The following NKAIN3 variants were observed in gnomAD, a reference collection of about 807,000 sequenced individuals.
NKAIN3 encodes sodium/potassium-transporting ATPase subunit beta-1-interacting protein 3.
A neutral mutation model predicts 30.2 loss-of-function variants in NKAIN3; 25 were observed. The observed-to-expected ratio is 0.83, with a 90% CI of 0.60 to 1.16. The LOEUF (loss-of-function observed/expected upper bound fraction) is 1.16, where lower values mean the gene tolerates loss of function less well. Ranked by LOEUF, NKAIN3 falls within the 50% of genes most tolerant of loss-of-function variation. NKAIN3 has a pLI of 0.00. For missense variants in NKAIN3, 225 were observed against 254.1 expected (o/e 0.89, Z 0.78); for synonymous variants, 91 against 89.6 (o/e 1.02, Z -0.09).
chr8:62,897,175 A>T (rs1225141083), intron 4 of NKAIN3, among the ~76,000 whole-genome samples: 1 of 152,198 alleles, frequency 6.6e-6, no homozygotes, highest in Non-Finnish European at 1.5e-5. Flanking sequence ...AACTTCTCAT[A>T]TATAGTAAGA....
At chr8:62,524,419 G>A (rs1358769246) in intron 1 of NKAIN3, among the ~76,000 whole-genome samples, 1 of 152,080 alleles carries the variant, frequency 6.6e-6, no homozygotes, top group East Asian at 1.9e-4. Flanking sequence ...GATTCATTTA[G>A]GGAGTAACTC....
rs548755376 is a variant in NKAIN3 at position 62,343,166 on chromosome 8, CA to C, written c.54+94042del. Among the ~76,000 whole-genome samples the C allele has an allele frequency of 2.7e-4, 41 of 152,132 alleles. No individual in the cohort carries two copies. In the East Asian group the frequency reaches 6.2e-3, roughly 23 times the overall value. On this transcript the variant is annotated intron_variant, in intron 1 of 6. Transcript: ENST00000623646. ...ACTCCAGAGTCTGACTGACCATGTTCAAATCCTGGTTTTGTGACATAGCTCC... is the reference window on the plus strand; with the variant it reads ...ACTCCAGAGTCTGACTGACCATGTTCAATCCTGGTTTTGTGACATAGCTCC...
At chr8:62,345,335 GTA>G (rs1173992151) in intron 1 of NKAIN3, among the ~76,000 whole-genome samples, 1 of 12,618 alleles carries the variant, frequency 7.9e-5, no homozygotes, top group African/African-American at 1.3e-4. Context: ...ACACATATAT[GTA>G]TATATACACA....
At chr8:62,268,452 C>A (rs184865472) in intron 1 of NKAIN3, among the ~76,000 whole-genome samples, 14 of 152,200 alleles carry the variant, frequency 9.2e-5, no homozygotes, top group Admixed American at 9.2e-4. Context: ...AGCTGCATGA[C>A]CAGAGTCAGG....
At chr8:62,667,097 A>AG (rs1813127281) in intron 3 of NKAIN3, among the ~76,000 whole-genome samples, 2 of 140,734 alleles carry the variant, frequency 1.4e-5, no homozygotes, top group Admixed American at 7.5e-5. Flanking sequence ...CAATTGAACA[A>AG]TGAGAACACT....
chr8:62,324,145 A>G (rs762407705), intron 1 of NKAIN3, among the ~76,000 whole-genome samples: 10 of 152,242 alleles, frequency 6.6e-5, no homozygotes, highest in Admixed American at 2.0e-4. Context: ...AGACTCAACA[A>G]TTGTAATAAA....
chr8:62,750,991 A>G (rs1816262555), intron 4 of NKAIN3, among the ~76,000 whole-genome samples: 1 of 152,068 alleles, frequency 6.6e-6, no homozygotes, highest in Non-Finnish European at 1.5e-5. Context: ...GCTCCCTGTA[A>G]GATGATCACA....
At chr8:62,501,858 A>G (rs1807464324) in intron 1 of NKAIN3, among the ~76,000 whole-genome samples, 1 of 152,200 alleles carries the variant, frequency 6.6e-6, no homozygotes, top group Admixed American at 6.5e-5. Context: ...CATCCTGGGT[A>G]TTTACTAACA....
chr8:62,863,495 C>G, intron 4 of NKAIN3: 1 of 1,538,592 alleles, frequency 6.5e-7, no homozygotes. Context: ...AGACAACGTA[C>G]TGGGTGGGAG....
In NKAIN3 at chr8:62,973,400, G is replaced by C. The variant is rs1342123431; in HGVS notation, c.*7993G>C. Reference sequence around the variant, plus strand: ...TGGTATCTCATTGTCGTTTTGATTTGCATTTCTCTAATGACCAGTGATGAT... The same window carrying C: ...TGGTATCTCATTGTCGTTTTGATTTCCATTTCTCTAATGACCAGTGATGAT... On this transcript the variant is annotated 3_prime_UTR_variant, in exon 7 of 7. Transcript: ENST00000623646. 1.3e-5 allele frequency among the ~76,000 whole-genome samples: 2 copies of C among 151,882 alleles called. No individual in the cohort carries two copies. The highest frequency in any genetic ancestry group is 2.9e-5 in the Non-Finnish European group (2 of 67,982).
At chr8:62,419,503 A>G (rs1804565062) in intron 1 of NKAIN3, among the ~76,000 whole-genome samples, 1 of 152,194 alleles carries the variant, frequency 6.6e-6, no homozygotes, top group Non-Finnish European at 1.5e-5. Flanking sequence ...CTGCCAGTAA[A>G]TGGCCAGATG....
intron 5 of NKAIN3, among the ~76,000 whole-genome samples, chr8:62,996,165 A>G (rs906180844): frequency 6.6e-6 from 1 of 152,228 alleles, no homozygotes; most frequent in African/African-American, 2.4e-5. Flanking sequence ...TTTATAAAGG[A>G]AAGTGGTTGA....
At chr8:62,270,668 C>T (rs374001687) in intron 1 of NKAIN3, among the ~76,000 whole-genome samples, 1 of 152,096 alleles carries the variant, frequency 6.6e-6, no homozygotes, top group African/African-American at 2.4e-5. Flanking sequence ...AAACCTTATC[C>T]TGCCTTTCTA....
intron 1 of NKAIN3, among the ~76,000 whole-genome samples, chr8:62,257,192 G>A (rs755508350): frequency 2.0e-5 from 3 of 152,080 alleles, no homozygotes; most frequent in Non-Finnish European, 4.4e-5. Flanking sequence ...TCTCAAACTA[G>A]AGTCCTTATG....
chr8:62,875,918 G>A (rs1476246142), intron 4 of NKAIN3, among the ~76,000 whole-genome samples: 3 of 152,036 alleles, frequency 2.0e-5, no homozygotes, highest in African/African-American at 7.2e-5. Context: ...ATAGGAATGG[G>A]AAAAGACTTC....
chr8:62,823,176 A>G (rs1423342399), intron 4 of NKAIN3, among the ~76,000 whole-genome samples: 1 of 152,168 alleles, frequency 6.6e-6, no homozygotes, highest in African/African-American at 2.4e-5. Context: ...CACTTAGGCT[A>G]CACAACTATG....
chr8:62,249,139 G>A lies in NKAIN3; in HGVS notation c.54+12G>A, dbSNP rs1811996237. ...GCGCGCTGCAGTTGGTGAGTGCCCCGAGGGCCCCTGCCCCAGGACAGGTCC... is the reference window on the plus strand; with the variant it reads ...GCGCGCTGCAGTTGGTGAGTGCCCCAAGGGCCCCTGCCCCAGGACAGGTCC... On this transcript the variant is annotated intron_variant, in intron 1 of 6. Coordinates refer to ENST00000623646, the MANE Select transcript of NKAIN3 (RefSeq NM_001304533.3). 6.5e-7 allele frequency: 1 copy of A among 1,531,532 alleles called. No homozygotes were observed. Among genetic ancestry groups the A allele is most frequent in the Non-Finnish European group, 8.8e-7 (1 of 1,141,296 alleles). 94.9% of individuals were successfully genotyped at this position (1,531,532 alleles called of 1,614,324 possible).
chr8:62,909,515 A>T (rs1821873211), intron 4 of NKAIN3, among the ~76,000 whole-genome samples: 1 of 152,158 alleles, frequency 6.6e-6, no homozygotes, highest in Admixed American at 6.5e-5. Flanking sequence ...GTTATTGGCA[A>T]GAATGCATTT....
At chr8:62,911,893 A>G (rs1318440518) in intron 4 of NKAIN3, among the ~76,000 whole-genome samples, 1 of 152,188 alleles carries the variant, frequency 6.6e-6, no homozygotes, top group African/African-American at 2.4e-5. Context: ...CTAAAAACCT[A>G]AGGAACATTA....
Sources: allele counts gnomAD v4.1 joint callset (sites outside exome capture counted in the v4.1 genomes callset), GRCh38; gene constraint gnomAD v4.1.1; transcripts MANE v1.5; gene names NCBI Gene and HGNC (gene_info 2026-07-23, HGNC 2026-07-21).